NT5C2: variants seen among roughly 807,000 people sequenced by gnomAD.
NT5C2 encodes 5'-nucleotidase, cytosolic II, also known as cytosolic purine 5'-nucleotidase.
Under a neutral mutation model 76.1 loss-of-function variants are expected in NT5C2, and 58 were observed. That is an observed-to-expected ratio of 0.76 (90% CI 0.62 to 0.95). NT5C2 has a LOEUF of 0.95. Among genes scored for constraint, NT5C2 ranks in the 40% least tolerant of loss-of-function variants. NT5C2 has a pLI of 0.00. For missense variants in NT5C2, 478 were observed against 690.3 expected, an observed-to-expected ratio of 0.69 and a Z score of 3.45; for synonymous variants, 229 against 237.4, an observed-to-expected ratio of 0.96 and a Z score of 0.32.
chr10:103,155,048 G>A (rs1026489281), intron 3 of NT5C2, among the ~76,000 whole-genome samples: 7 of 152,144 alleles, frequency 4.6e-5, no homozygotes, highest in Non-Finnish European at 8.8e-5. Context: ...AAAAGGTAAG[G>A]CATTGTCTAA....
chr10:103,169,741 G>A (rs1321933752), intron 3 of NT5C2, among the ~76,000 whole-genome samples: 2 of 152,014 alleles, frequency 1.3e-5, no homozygotes, highest in South Asian at 2.1e-4. Context: ...AGCACTTTTG[G>A]AGGCCGAGGC....
At chr10:103,185,844 T>C (rs569560553) in intron 1 of NT5C2, among the ~76,000 whole-genome samples, 11 of 152,334 alleles carry the variant, frequency 7.2e-5, no homozygotes, top group African/African-American at 2.2e-4. Flanking sequence ...TATTTCTACC[T>C]TTTAATATAT....
intron 4 of NT5C2, among the ~76,000 whole-genome samples, chr10:103,127,993 C>G (rs914346272): frequency 4.0e-5 from 6 of 151,824 alleles, no homozygotes; most frequent in Non-Finnish European, 8.8e-5. Flanking sequence ...TGTACCCATA[C>G]CCACCCCCTG....
At chr10:103,090,574 G>C (rs776141548) in intron 18 of NT5C2, 37 bp downstream of exon 18, 2 of 1,582,716 alleles carry the variant, frequency 1.3e-6, no homozygotes, top group South Asian at 1.1e-5. Context: ...CCTGGGCTTA[G>C]AGTACATCTT....
At position 103,139,425 on chromosome 10, in the gene NT5C2, A is replaced by G. The variant is rs1472399088; in HGVS notation, c.156T>C (p.Asp52=). The G allele has an allele frequency of 6.3e-7, 1 of 1,582,588 alleles. No individual in the cohort carries two copies. The highest frequency in any genetic ancestry group is 8.6e-7 in the Non-Finnish European group (1 of 1,160,850). ...AMEKIKCFGF[D]MDYTLAVYKS... is the part of the protein sequence containing the mutation. ...ACTCACCAGCAAGGGTATAATCCATATCAAAACCAAAACACTTTATCTTTT... is the reference window on the plus strand; with the variant it reads ...ACTCACCAGCAAGGGTATAATCCATGTCAAAACCAAAACACTTTATCTTTT... Residue 52 remains aspartate, a synonymous_variant, in exon 4 of 19, where the codon GAT becomes GAC. Transcript: ENST00000404739.
intron 3 of NT5C2, among the ~76,000 whole-genome samples, chr10:103,144,255 G>T (rs901054453): frequency 5.3e-5 from 8 of 152,162 alleles, no homozygotes; most frequent in Non-Finnish European, 1.2e-4. Flanking sequence ...TATTCTATGG[G>T]AATACAAGCA....
chr10:103,178,259 G>A (rs1024142420), intron 2 of NT5C2, among the ~76,000 whole-genome samples: 3 of 152,152 alleles, frequency 2.0e-5, no homozygotes, highest in Non-Finnish European at 4.4e-5. Flanking sequence ...TATAAAACTT[G>A]TACACAGACC....
At chr10:103,117,371 C>T (rs984995864) in intron 4 of NT5C2, among the ~76,000 whole-genome samples, 3 of 152,188 alleles carry the variant, frequency 2.0e-5, no homozygotes, top group African/African-American at 7.2e-5. Flanking sequence ...CCAGGCTGGG[C>T]GTGATGGCTC....
At chr10:103,130,417 C>T (rs951310507) in intron 4 of NT5C2, among the ~76,000 whole-genome samples, 6 of 150,896 alleles carry the variant, frequency 4.0e-5, no homozygotes, top group African/African-American at 1.2e-4. Context: ...ACAAACACTG[C>T]GGAAGGCCGC....
chr10:103,110,599 C>A (rs2072758902), intron 4 of NT5C2, among the ~76,000 whole-genome samples: 1 of 152,010 alleles, frequency 6.6e-6, no homozygotes, highest in Non-Finnish European at 1.5e-5. Flanking sequence ...TTCAACTAGT[C>A]CAAAATAAAC....
intron 3 of NT5C2, among the ~76,000 whole-genome samples, chr10:103,171,878 G>A (rs543527195): frequency 6.6e-6 from 1 of 152,186 alleles, no homozygotes; most frequent in South Asian, 2.1e-4. Flanking sequence ...GAGCAACACA[G>A]CAAGACCCCG....
chr10:103,128,035 A>G (rs964477138), intron 4 of NT5C2, among the ~76,000 whole-genome samples: 7 of 127,644 alleles, frequency 5.5e-5, no homozygotes, highest in African/African-American at 2.1e-4. Flanking sequence ...TGTATTTAAA[A>G]TGATCCGGTC....
chr10:103,170,035 T>C (rs1036382439), intron 3 of NT5C2, among the ~76,000 whole-genome samples: 6 of 151,876 alleles, frequency 4.0e-5, no homozygotes, highest in African/African-American at 1.2e-4. Flanking sequence ...AGCAGGAGAG[T>C]TGCTTGAACC....
chr10:103,191,890 C>G (rs763405981), intron 1 of NT5C2, among the ~76,000 whole-genome samples: 26 of 152,034 alleles, frequency 1.7e-4, no homozygotes, highest in Non-Finnish European at 3.7e-4. Flanking sequence ...TAGTATCAAC[C>G]CTGCATGTGG....
intron 2 of NT5C2, among the ~76,000 whole-genome samples, chr10:103,179,012 G>A (rs928387990): frequency 2.1e-5 from 3 of 141,940 alleles, no homozygotes; most frequent in Non-Finnish European, 3.0e-5. Flanking sequence ...GCAGTGATGC[G>A]ATCTTGGCTC....
intron 4 of NT5C2, among the ~76,000 whole-genome samples, chr10:103,127,286 C>G (rs1208273552): frequency 1.3e-5 from 2 of 152,118 alleles, no homozygotes; most frequent in Non-Finnish European, 2.9e-5. Flanking sequence ...TCAAGACAAC[C>G]AGGCAAAATT....
rs960298033 is a variant in NT5C2, at chr10:103,125,254, G to T, written c.175+14152C>A. Reference sequence around the variant, plus strand: ...TTTTCCCAGCTCTGTGATCATCAATGATTTCAAATTCGCCAATGGAACCAT... The same window carrying T: ...TTTTCCCAGCTCTGTGATCATCAATTATTTCAAATTCGCCAATGGAACCAT... On this transcript the variant is annotated intron_variant, in intron 4 of 18. Transcript: ENST00000404739. 1.2e-5 allele frequency: 9 copies of T among 737,288 alleles called. No homozygotes were observed. In the Admixed American group the frequency reaches 1.4e-4, roughly 11 times the overall value. The allele number at this position is 737,288 out of a possible 1,614,324, so 45.7% of individuals were successfully genotyped here.
At chr10:103,187,374 T>C (rs1018407143) in intron 1 of NT5C2, among the ~76,000 whole-genome samples, 1 of 151,542 alleles carries the variant, frequency 6.6e-6, no homozygotes, top group Non-Finnish European at 1.5e-5. Context: ...AGAAACTCCA[T>C]CTCTACTAAA....
chr10:103,158,498 G>A (rs1208244484), intron 3 of NT5C2, among the ~76,000 whole-genome samples: 1 of 151,868 alleles, frequency 6.6e-6, no homozygotes, highest in Non-Finnish European at 1.5e-5. Flanking sequence ...CCCAAAAAAA[G>A]AAGACTCAAA....
Sources: gnomAD v4.1 joint callset for allele counts (sites outside exome capture counted in the v4.1 genomes callset) on GRCh38, gnomAD v4.1.1 for gene constraint, MANE v1.5 for transcripts, NCBI Gene and HGNC (gene_info 2026-07-23, HGNC 2026-07-21) for gene names.